Variants in ZNF138 observed in about 807,000 individuals in gnomAD.
ZNF138 encodes the protein zinc finger protein 138.
Under a neutral mutation model 33.0 loss-of-function variants are expected in ZNF138, and 33 were observed. The ratio of observed to expected loss-of-function variants is 1.00; its 90% CI spans 0.76 to 1.34. The LOEUF is 1.34. Among genes scored for constraint, ZNF138 ranks in the 40% most tolerant of loss-of-function variants. The probability of loss-of-function intolerance (pLI) is 0.00; values close to 1 mark genes in which losing one functional copy is unlikely to be tolerated. For missense variants in ZNF138, 360 were observed against 370.8 expected (o/e 0.97, Z 0.24); for synonymous variants, 139 against 120.4 (o/e 1.15, Z -1.01).
At chr7:64,853,241 C>G in the ZNF138 span, 1 of 1,608,582 alleles carries the variant, frequency 6.2e-7, no homozygotes, top group Non-Finnish European at 8.5e-7. Flanking sequence ...GCAATTTTTG[C>G]AGGACATCTT....
chr7:64,812,162 GTTT>G (rs60036934), intron 1 of ZNF138, among the ~76,000 whole-genome samples: 1 of 141,762 alleles, frequency 7.1e-6, no homozygotes, highest in Non-Finnish European at 1.5e-5. Flanking sequence ...AGTTAAGTGG[GTTT>G]TTTTTTTTTT....
chr7:64,834,149 A>G (rs1452692265), downstream of ZNF138, among the ~76,000 whole-genome samples: 1 of 12,182 alleles, frequency 8.2e-5, no homozygotes, highest in African/African-American at 1.8e-4. Flanking sequence ...TTGTATCCGA[A>G]GCAGTTGCTC....
At chr7:64,847,248 A>G in the ZNF138 span, among the ~76,000 whole-genome samples, 3 of 151,042 alleles carry the variant, frequency 2.0e-5, no homozygotes, top group Admixed American at 1.3e-4. Context: ...TGAGGTGGGC[A>G]GATCACTTGA....
At chr7:64,812,324 A>AT (rs370693847) in intron 1 of ZNF138, among the ~76,000 whole-genome samples, 16 of 149,946 alleles carry the variant, frequency 1.1e-4, no homozygotes, top group East Asian at 9.8e-4. Flanking sequence ...CGCCCGGCTA[A>AT]TTTTTTTTTT....
At chr7:64,804,975 C>A (rs1186120491) in intron 1 of ZNF138, among the ~76,000 whole-genome samples, 2 of 152,122 alleles carry the variant, frequency 1.3e-5, no homozygotes, top group Non-Finnish European at 2.9e-5. Flanking sequence ...AAAAAAAATT[C>A]TTTGAGACCC....
intron 1 of ZNF138, among the ~76,000 whole-genome samples, chr7:64,806,655 A>G (rs1787622141): frequency 6.6e-6 from 1 of 152,168 alleles, no homozygotes; most frequent in Non-Finnish European, 1.5e-5. Context: ...TGAGACCACA[A>G]TTATGTCTTT....
At chr7:64,848,613 T>C in the ZNF138 span, among the ~76,000 whole-genome samples, 2 of 151,952 alleles carry the variant, frequency 1.3e-5, no homozygotes, top group Non-Finnish European at 2.9e-5. Context: ...CCTTGATTAG[T>C]TTAATAACTG....
the ZNF138 span, chr7:64,853,315 A>T: frequency 6.2e-7 from 1 of 1,609,376 alleles, no homozygotes; most frequent in South Asian, 1.1e-5. Context: ...CTTTTGTCCA[A>T]TTCGTAACTT....
At chr7:64,836,556 G>A (rs1790371352), downstream of ZNF138, 1 of 152,252 alleles carries the variant, frequency 6.6e-6, no homozygotes, top group Admixed American at 6.5e-5. Context: ...CCCAGCGGGG[G>A]TCCTAAGGGT....
chr7:64,847,125 G>T, the ZNF138 span, among the ~76,000 whole-genome samples: 1 of 151,812 alleles, frequency 6.6e-6, no homozygotes, highest in Non-Finnish European at 1.5e-5. Flanking sequence ...GATTATGGTG[G>T]ATTATTTTTT....
intron 1 of ZNF138, among the ~76,000 whole-genome samples, chr7:64,803,555 A>G (rs1787333164): frequency 6.6e-6 from 1 of 152,208 alleles, no homozygotes; most frequent in South Asian, 2.1e-4. Context: ...TTATTACTTC[A>G]GAACAATTAG....
chr7:64,837,823 G>A (rs564475771), downstream of ZNF138, among the ~76,000 whole-genome samples: 41 of 152,310 alleles, frequency 2.7e-4, no homozygotes, highest in African/African-American at 9.9e-4. Flanking sequence ...GAGTGGTAGG[G>A]CAGGCTTTAA....
intron 1 of ZNF138, among the ~76,000 whole-genome samples, chr7:64,802,848 A>AC (rs1787254497): frequency 6.6e-6 from 1 of 150,660 alleles, no homozygotes; most frequent in Admixed American, 6.6e-5. Context: ...AGATACAGTC[A>AC]CCCCCCTGCC....
At position 64,832,988 on chromosome 7, in the gene ZNF138, TG is replaced by T; in HGVS notation, c.*788del. 1 of 428,100 alleles carries T rather than the reference TG, an allele frequency of 2.3e-6. No individual in the cohort carries two copies. Among genetic ancestry groups the T allele is most frequent in the Non-Finnish European group, 4.7e-6 (1 of 211,512 alleles). 26.5% of individuals were successfully genotyped at this position (428,100 alleles called of 1,614,324 possible). A position where few individuals can be genotyped will look rare whatever the true frequency, so the allele number is the denominator to read the frequency against. On this transcript the variant is annotated 3_prime_UTR_variant, in exon 4 of 4. Coordinates refer to ENST00000307355, the MANE Select transcript of ZNF138 (RefSeq NM_001271639.2). Reference sequence around the variant, plus strand: ...TTACTATGCATAAGAAAATTCAAACTGGAGAGAAACTCTACAAATGTGAAGA... The same window carrying T: ...TTACTATGCATAAGAAAATTCAAACTGAGAGAAACTCTACAAATGTGAAGA...
In ZNF138 at chr7:64,813,535, G is replaced by A. The variant is rs1465194896; in HGVS notation, c.4-1383G>A. ...TGCAAGCTCTGCCTCCCGGGTTGAC[G>A]CCATTCTCCTGCCTCAGCCTCCCCA... On this transcript the variant is annotated intron_variant, in intron 1 of 3. Coordinates refer to ENST00000307355, the MANE Select transcript of ZNF138 (RefSeq NM_001271639.2). Among the ~76,000 whole-genome samples the A allele has an allele frequency of 4.0e-5, 6 of 151,480 alleles. No homozygotes were observed. In the East Asian group the frequency reaches 5.9e-4, roughly 15 times the overall value.
Position 64,832,340 on chromosome 7 carries a change from A to G in ZNF138, c.*138A>G. ...GCGGAGAGAAACCCCACAAATGTGAAGAATGTGGCAGAGCTTTTAACCAGT... is the reference window on the plus strand; with the variant it reads ...GCGGAGAGAAACCCCACAAATGTGAGGAATGTGGCAGAGCTTTTAACCAGT... On this transcript the variant is annotated 3_prime_UTR_variant, in exon 4 of 4. Coordinates refer to ENST00000307355, the MANE Select transcript of ZNF138 (RefSeq NM_001271639.2). 6.4e-7 allele frequency: 1 copy of G among 1,568,014 alleles called. No individual in the cohort carries two copies. The highest frequency in any genetic ancestry group is 8.6e-7 in the Non-Finnish European group (1 of 1,162,078).
chr7:64,802,271 C>G (rs1311819189), intron 1 of ZNF138, among the ~76,000 whole-genome samples: 2 of 152,060 alleles, frequency 1.3e-5, no homozygotes, highest in African/African-American at 2.4e-5. Flanking sequence ...TTGTGGAGAC[C>G]AAGTTTTATT....
At chr7:64,850,958 AT>A in the ZNF138 span, among the ~76,000 whole-genome samples, 7 of 152,184 alleles carry the variant, frequency 4.6e-5, 2 homozygotes, top group South Asian at 8.3e-4. Context: ...CCTTTTAAAA[AT>A]ATATATATTA....
At chr7:64,800,672 G>A (rs1787067054) in intron 1 of ZNF138, among the ~76,000 whole-genome samples, 1 of 152,088 alleles carries the variant, frequency 6.6e-6, no homozygotes, top group Non-Finnish European at 1.5e-5. Context: ...GTCAGGTTTT[G>A]GTGTCTGAAT....
Sources: gnomAD v4.1 joint callset for allele counts (sites outside exome capture counted in the v4.1 genomes callset) on GRCh38, gnomAD v4.1.1 for gene constraint, MANE v1.5 for transcripts, NCBI Gene and HGNC (gene_info 2026-07-23, HGNC 2026-07-21) for gene names.